The following ANKRD30BL variants were observed in gnomAD, a reference collection of about 807,000 sequenced individuals.
ANKRD30BL encodes the protein ankyrin repeat domain 30B like, also known as putative ankyrin repeat domain-containing protein 30B-like.
Under a neutral mutation model 18.4 loss-of-function variants are expected in ANKRD30BL, and 20 were observed. That is an observed-to-expected ratio of 1.09 (90% CI 0.77 to 1.58). The LOEUF (loss-of-function observed/expected upper bound fraction) is 1.58, where lower values mean the gene tolerates loss of function less well. Among genes scored for constraint, ANKRD30BL ranks in the 40% most tolerant of loss-of-function variants. The pLI, the probability that ANKRD30BL is intolerant of heterozygous loss-of-function variation, is 0.00. For missense variants in ANKRD30BL, 224 were observed against 268.6 expected (o/e 0.83, Z 1.16); for synonymous variants, 72 against 100.9 (o/e 0.71, Z 1.72).
chr2:132,235,924 C>T (rs1326561783), intron 1 of ANKRD30BL, among the ~76,000 whole-genome samples: 1 of 152,126 alleles, frequency 6.6e-6, no homozygotes, highest in East Asian at 1.9e-4. Context: ...CATCACACTA[C>T]CTGACTTCAA....
chr2:132,210,213 G>C (rs1054910539), intron 1 of ANKRD30BL, among the ~76,000 whole-genome samples: 4 of 151,306 alleles, frequency 2.6e-5, no homozygotes, highest in Non-Finnish European at 4.4e-5. Context: ...ATAAAAACTA[G>C]ACAGAAGCCT....
rs540984975 is a variant in ANKRD30BL, at chr2:132,196,997, T to G, written n.442-39851A>C. 2.1e-3 allele frequency among the ~76,000 whole-genome samples: 323 copies of G among 151,656 alleles called. 1 individual carries two copies. The highest frequency in any genetic ancestry group is 7.4e-3 in the African/African-American group (304 of 41,312). On this transcript the variant is annotated intron_variant and non_coding_transcript_variant, in intron 1 of 4. Transcript: ENST00000470729. ...TGTATGATAGGAGTTTCAAAAGGAG[T>G]CCAAAGAGAATGGAGAAGTCATATT...
At chr2:132,186,864 T>G (rs1415990560) in intron 1 of ANKRD30BL, among the ~76,000 whole-genome samples, 7 of 152,146 alleles carry the variant, frequency 4.6e-5, no homozygotes, top group Non-Finnish European at 8.8e-5. Flanking sequence ...AATATTCACC[T>G]ACATAAAATA....
chr2:132,221,326 G>A (rs1573858862), intron 1 of ANKRD30BL, among the ~76,000 whole-genome samples: 1 of 146,798 alleles, frequency 6.8e-6, no homozygotes, highest in South Asian at 2.1e-4. Flanking sequence ...AGGTGGGGGG[G>A]TCAGCCCCCC....
intron 1 of ANKRD30BL, among the ~76,000 whole-genome samples, chr2:132,250,838 TACC>T (rs1680630876): frequency 6.6e-6 from 1 of 152,208 alleles, no homozygotes; most frequent in African/African-American, 2.4e-5. Context: ...TTAAATTGGT[TACC>T]ACTATTGTCT....
intron 1 of ANKRD30BL, among the ~76,000 whole-genome samples, chr2:132,245,150 T>C (rs942939902): frequency 6.6e-6 from 1 of 152,170 alleles, no homozygotes; most frequent in African/African-American, 2.4e-5. Flanking sequence ...TTTTGATGTG[T>C]GTTTTCAACT....
At chr2:132,160,875 T>A (rs1688038992) in intron 1 of ANKRD30BL, among the ~76,000 whole-genome samples, 2 of 151,446 alleles carry the variant, frequency 1.3e-5, no homozygotes, top group African/African-American at 4.9e-5. Context: ...GATAACTTTA[T>A]TTGGTTTATG....
Position 132,161,650 on chromosome 2 carries a change from C to A in ANKRD30BL, c.56G>T (p.Ser19Ile). 6.9e-7 allele frequency: 1 copy of A among 1,452,800 alleles called. No individual in the cohort carries two copies. The highest frequency in any genetic ancestry group is 9.4e-7 in the Non-Finnish European group (1 of 1,059,894). 90.0% of individuals were successfully genotyped at this position (1,452,800 alleles called of 1,614,324 possible). The change falls in exon 1 of 6, where the codon AGC becomes ATC. Residue 19 changes from serine (S) to isoleucine (I), a missense_variant. Ser to Ile is a moderately radical substitution (Grantham distance 142). Coordinates refer to ENST00000409867, the MANE Select transcript of ANKRD30BL (RefSeq NM_001358416.1). ...GGTGTAGACCAGCTGACTGAAGGGG[C>A]TCGGGCGCTCTGGGCCCGTCTGGCC... ...VKGQTGPERP[S>I]PFSQLVYTNN...
intron 1 of ANKRD30BL, among the ~76,000 whole-genome samples, chr2:132,239,000 G>A (rs1680238578): frequency 6.6e-6 from 1 of 152,090 alleles, no homozygotes; most frequent in South Asian, 2.1e-4. Flanking sequence ...AAACTTCTTT[G>A]TGAGACTTGC....
At chr2:132,181,347 G>A (rs1688457899) in intron 1 of ANKRD30BL, among the ~76,000 whole-genome samples, 1 of 151,800 alleles carries the variant, frequency 6.6e-6, no homozygotes, top group African/African-American at 2.4e-5. Flanking sequence ...GGTGGTGGGT[G>A]CCTGTAATCC....
At chr2:132,212,858 T>A (rs1359812756) in intron 1 of ANKRD30BL, among the ~76,000 whole-genome samples, 2 of 152,032 alleles carry the variant, frequency 1.3e-5, no homozygotes, top group African/African-American at 2.4e-5. Context: ...TTGTGATGTG[T>A]GAATTCATCT....
intron 1 of ANKRD30BL, among the ~76,000 whole-genome samples, chr2:132,201,357 C>G (rs1679093458): frequency 6.6e-6 from 1 of 152,016 alleles, no homozygotes; most frequent in African/African-American, 2.4e-5. Flanking sequence ...AGTGAACAGG[C>G]AACCTACAAA....
At chr2:132,225,144 G>A (rs796913526) in intron 1 of ANKRD30BL, among the ~76,000 whole-genome samples, 1 of 151,768 alleles carries the variant, frequency 6.6e-6, no homozygotes, top group African/African-American at 2.4e-5. Flanking sequence ...TTGGAAACGG[G>A]AATATCTTCA....
At chr2:132,250,059 C>G (rs1361176060) in intron 1 of ANKRD30BL, among the ~76,000 whole-genome samples, 1 of 151,970 alleles carries the variant, frequency 6.6e-6, no homozygotes, top group Non-Finnish European at 1.5e-5. Context: ...ACACCATTTC[C>G]AAGCTTTTCA....
intron 1 of ANKRD30BL, among the ~76,000 whole-genome samples, chr2:132,173,498 C>T (rs1340021543): frequency 2.0e-5 from 3 of 151,774 alleles, no homozygotes; most frequent in Non-Finnish European, 4.4e-5. Flanking sequence ...TGGGTTTCAC[C>T]GTGTTAGTCA....
intron 1 of ANKRD30BL, among the ~76,000 whole-genome samples, chr2:132,209,637 T>C (rs1679291646): frequency 1.3e-5 from 2 of 151,714 alleles, no homozygotes; most frequent in Non-Finnish European, 2.9e-5. Context: ...AGGATCTGCA[T>C]GTGGATATTT....
At chr2:132,178,938 A>G (rs1439342945) in intron 1 of ANKRD30BL, among the ~76,000 whole-genome samples, 1 of 151,504 alleles carries the variant, frequency 6.6e-6, no homozygotes, top group Non-Finnish European at 1.5e-5. Context: ...TAACTGGGAG[A>G]ATGGTGATGC....
At chr2:132,197,871 A>G (rs994107156) in intron 1 of ANKRD30BL, among the ~76,000 whole-genome samples, 2 of 152,002 alleles carry the variant, frequency 1.3e-5, no homozygotes, top group Non-Finnish European at 2.9e-5. Context: ...GTTCCTATGA[A>G]CCTTATTATA....
intron 1 of ANKRD30BL, among the ~76,000 whole-genome samples, chr2:132,249,588 T>C (rs75329095): frequency 2.6e-5 from 4 of 151,302 alleles, no homozygotes; most frequent in Non-Finnish European, 4.4e-5. Context: ...GAGATGAATG[T>C]ACACATCAAA....
Sources: gnomAD v4.1 joint callset for allele counts (sites outside exome capture counted in the v4.1 genomes callset) on GRCh38, gnomAD v4.1.1 for gene constraint, MANE v1.5 for transcripts, NCBI Gene and HGNC (gene_info 2026-07-23, HGNC 2026-07-21) for gene names.